Variants in PPP6R2 observed in about 807,000 individuals in gnomAD.
PPP6R2 encodes the protein serine/threonine-protein phosphatase 6 regulatory subunit 2.
Under a neutral mutation model 100.2 loss-of-function variants are expected in PPP6R2, and 62 were observed. That is an observed-to-expected ratio of 0.62 (90% CI 0.50 to 0.76). PPP6R2 has a LOEUF of 0.76. PPP6R2 is among the 30% of genes least tolerant of loss of function. The pLI is 0.00. For synonymous variants in PPP6R2, 525 were observed against 514.7 expected (o/e 1.02, Z -0.27); for missense variants, 1,142 against 1,276.3 (o/e 0.89, Z 1.60).
rs1465593836 is a variant in PPP6R2 at position 50,435,020 on chromosome 22, C to T, written c.1455C>T (p.Asn485=). 4.4e-6 allele frequency: 7 copies of T among 1,603,300 alleles called. No homozygotes were observed. Among genetic ancestry groups the T allele is most frequent in the Admixed American group, 1.7e-5 (1 of 59,126 alleles). Residue 485 remains asparagine, a synonymous_variant, in exon 13 of 24, where the codon AAC becomes AAT. Transcript: ENST00000612753. ...GNMGHLTRIA[N]AVVQNLERGP... is the part of the protein sequence containing the mutation. ...TGGGCCACCTCACACGGATCGCCAA[C>T]GCGGTGGTGCAGAACCTGGAGCGGG...
intron 4 of PPP6R2, among the ~76,000 whole-genome samples, chr22:50,408,344 C>G (rs1320016963): frequency 6.6e-6 from 1 of 152,226 alleles, no homozygotes; most frequent in Non-Finnish European, 1.5e-5. Context: ...GAAAGCGCAG[C>G]TCCACGAAGG....
intron 1 of PPP6R2, among the ~76,000 whole-genome samples, chr22:50,355,000 T>C (rs1212085406): frequency 1.0e-4 from 15 of 150,234 alleles, no homozygotes; most frequent in Non-Finnish European, 1.6e-4. Context: ...CCTGCCACCA[T>C]GCCTGGCTAA....
chr22:50,437,678 T>G, intron 16 of PPP6R2, 75 bp downstream of exon 16: 1 of 1,441,438 alleles, frequency 6.9e-7, no homozygotes, highest in Non-Finnish European at 9.7e-7. Context: ...GGCAGCTCCC[T>G]GAGGTCTTGC....
At chr22:50,422,609 G>A (rs2061482116) in intron 9 of PPP6R2, among the ~76,000 whole-genome samples, 1 of 152,178 alleles carries the variant, frequency 6.6e-6, no homozygotes, top group Non-Finnish European at 1.5e-5. Context: ...CTCTGCAAAT[G>A]ACCCCGAGGT....
intron 1 of PPP6R2, among the ~76,000 whole-genome samples, chr22:50,353,779 G>A (rs1040108435): frequency 1.3e-5 from 2 of 149,092 alleles, no homozygotes; most frequent in Non-Finnish European, 1.5e-5. Context: ...ATAGAGGCAA[G>A]ATTTGTACCC....
In PPP6R2 at chr22:50,434,995, TG is replaced by T; in HGVS notation, c.1433del (p.Gly478AlafsTer46). On this transcript the variant is annotated frameshift_variant, in exon 13 of 24. Coordinates refer to ENST00000612753, the MANE Select transcript of PPP6R2 (RefSeq NM_001242898.2). LOFTEE classifies it high-confidence loss of function. ...QAAGGMRRGN[M>X]GHLTRIANAV... ...GCGGGTGGCATGAGACGTGGGAACA[TG>T]GGCCACCTCACACGGATCGCCAACG... 6.2e-7 allele frequency: 1 copy of T among 1,606,440 alleles called. No individual in the cohort carries two copies.
In PPP6R2 at chr22:50,438,671, G is replaced by A. The variant is rs558154461; in HGVS notation, c.2037G>A (p.Ala679=). ...GPERGGQDGK[A]SLEAHRDAPG... The stretch of plus-strand genomic sequence containing the variant: ...AGCGTGGAGGCCAGGATGGGAAGGC[G>A]AGCTTGGAAGCACACAGAGATGCAC... Residue 679 remains alanine (A), a synonymous_variant, in exon 19 of 24, where the codon GCG becomes GCA. Coordinates refer to ENST00000612753, the MANE Select transcript of PPP6R2 (RefSeq NM_001242898.2). 1.1e-5 allele frequency: 18 copies of A among 1,613,838 alleles called. No homozygotes were observed. Among genetic ancestry groups the A allele is most frequent in the Admixed American group, 6.7e-5 (4 of 59,998 alleles).
chr22:50,419,056 C>T (rs1175657194), intron 7 of PPP6R2, 77 bp downstream of exon 7: 1 of 1,194,198 alleles, frequency 8.4e-7, no homozygotes. Context: ...TTGCTCTGAG[C>T]ACCAGGATAT....
chr22:50,440,889 C>G lies in PPP6R2; in HGVS notation c.2442C>G (p.Asp814Glu). The change falls in exon 22 of 24, where the codon GAC becomes GAG. Residue 814 changes from aspartate to glutamate, a missense_variant. Transcript: ENST00000612753. ...GGAAGGCCCCCCTGCTGGCCTCTGA[C>G]AGTAGCTCCTCTGGGGGCTCCCACA... The part of the protein sequence containing the change: ...VTRKAPLLAS[D>E]SSSSGGSHSE... 6.2e-7 allele frequency: 1 copy of G among 1,613,850 alleles called. No homozygotes were observed. The highest frequency in any genetic ancestry group is 8.5e-7 in the Non-Finnish European group (1 of 1,180,000).
upstream of PPP6R2, among the ~76,000 whole-genome samples, chr22:50,341,217 T>C (rs1176875256): frequency 6.6e-6 from 1 of 150,768 alleles, no homozygotes; most frequent in Non-Finnish European, 1.5e-5. Flanking sequence ...TGTCCCTTTA[T>C]TTTTTTGAGA....
chr22:50,396,547 C>T (rs895380686), intron 3 of PPP6R2, among the ~76,000 whole-genome samples: 4 of 151,414 alleles, frequency 2.6e-5, no homozygotes, highest in East Asian at 3.9e-4. Context: ...CACATGAAAA[C>T]GATATGAAAC....
intron 13 of PPP6R2, among the ~76,000 whole-genome samples, chr22:50,435,990 G>C (rs918566455): frequency 6.6e-6 from 1 of 152,198 alleles, no homozygotes; most frequent in Non-Finnish European, 1.5e-5. Context: ...CTGTGAGGTG[G>C]GGGGAAGGAA....
the PPP6R2 span, among the ~76,000 whole-genome samples, chr22:50,330,957 T>C: frequency 6.6e-6 from 1 of 152,236 alleles, no homozygotes; most frequent in Middle Eastern, 3.4e-3. Flanking sequence ...TTTCGTCCCA[T>C]AAGACTCATC....
chr22:50,431,278 A>G lies in PPP6R2; in HGVS notation c.1231A>G (p.Ser411Gly). The G allele has an allele frequency of 6.2e-7, 1 of 1,613,592 alleles. No individual in the cohort carries two copies. The highest frequency in any genetic ancestry group is 8.5e-7 in the Non-Finnish European group (1 of 1,180,016). ...HAAREERTEASGSESRVEPPH... is the reference protein window; with the variant it reads ...HAAREERTEAGGSESRVEPPH... Reference sequence around the variant, plus strand: ...TGCCCGTGAGGAGAGGACAGAAGCCAGCGGATCCGAGAGCAGGGTGGAGCC... The same window carrying G: ...TGCCCGTGAGGAGAGGACAGAAGCCGGCGGATCCGAGAGCAGGGTGGAGCC... The change falls in exon 11 of 24, where the codon AGC becomes GGC. Residue 411 changes from serine to glycine, a missense_variant. Physicochemically the swap from Ser to Gly is moderately conservative, Grantham distance 56 (BLOSUM62 0). Coordinates refer to ENST00000612753, the MANE Select transcript of PPP6R2 (RefSeq NM_001242898.2). The surrounding 1 kb of genome is among the most constrained non-coding windows in gnomAD (Gnocchi z 4.8).
chr22:50,400,865 A>G lies in PPP6R2; in HGVS notation c.228-5824A>G, dbSNP rs372275323. 1.4e-4 allele frequency among the ~76,000 whole-genome samples: 21 copies of G among 152,166 alleles called. No individual in the cohort carries two copies. The East Asian group carries it at 3.1e-3, about 22-fold the overall frequency. ...ACATTTGTGACATTAGCTGAGGGAA[A>G]TTTCTCATATTGTTTCTTTGATATT... is the stretch of plus-strand genomic sequence containing the variant. On this transcript the variant is annotated intron_variant, in intron 3 of 23. Transcript: ENST00000612753.
intron 22 of PPP6R2, among the ~76,000 whole-genome samples, chr22:50,441,317 A>G (rs2065555233): frequency 6.6e-6 from 1 of 151,308 alleles, no homozygotes; most frequent in Non-Finnish European, 1.5e-5. Flanking sequence ...GATGTCCCAG[A>G]CAGTCCCCCA....
At chr22:50,406,597 G>A in intron 3 of PPP6R2, 92 bp from the exon 4 acceptor site, 2 of 1,210,552 alleles carry the variant, frequency 1.7e-6, no homozygotes, top group South Asian at 1.3e-5. Context: ...GATCACGTGG[G>A]TCTGCTTCCT....
intron 1 of PPP6R2, among the ~76,000 whole-genome samples, chr22:50,364,565 G>C (rs2048377263): frequency 6.6e-6 from 1 of 152,088 alleles, no homozygotes; most frequent in Non-Finnish European, 1.5e-5. Flanking sequence ...ATTTAAAACT[G>C]AGTTATAATT....
chr22:50,399,329 T>C (rs1455678375), intron 3 of PPP6R2, among the ~76,000 whole-genome samples: 1 of 152,372 alleles, frequency 6.6e-6, no homozygotes, highest in South Asian at 2.1e-4. Context: ...TTGCAACGGC[T>C]CAACTCTGAA....
Sources: allele counts gnomAD v4.1 joint callset (sites outside exome capture counted in the v4.1 genomes callset), GRCh38; gene constraint gnomAD v4.1.1; non-coding constraint Gnocchi (gnomAD v3.1); transcripts MANE v1.5; gene names NCBI Gene and HGNC (gene_info 2026-07-23, HGNC 2026-07-21).